The following NFATC1 variants were observed in gnomAD, a reference collection of about 807,000 sequenced individuals.
NFATC1 encodes nuclear factor of activated T-cells, cytoplasmic 1.
NFATC1 carries 22 observed loss-of-function variants against 76.0 expected under a neutral mutation model. That is an observed-to-expected ratio of 0.29 (90% CI 0.21 to 0.41). NFATC1 has a LOEUF of 0.41. NFATC1 is among the 10% of genes least tolerant of loss of function. NFATC1 has a pLI of 1.00. For missense variants in NFATC1, 1,357 were observed against 1,337.7 expected, an observed-to-expected ratio of 1.01 and a Z score of -0.23; for synonymous variants, 704 against 613.1, an observed-to-expected ratio of 1.15 and a Z score of -2.19.
At chr18:79,449,664 G>GGA (rs1340137428) in intron 4 of NFATC1, among the ~76,000 whole-genome samples, 1 of 152,228 alleles carries the variant, frequency 6.6e-6, no homozygotes, top group African/African-American at 2.4e-5. Flanking sequence ...CCAGCAGGAT[G>GGA]GAGCCAGGCC....
intron 2 of NFATC1, among the ~76,000 whole-genome samples, chr18:79,419,800 G>A (rs920132250): frequency 2.6e-5 from 4 of 152,246 alleles, no homozygotes; most frequent in African/African-American, 4.8e-5. Context: ...TAGGTGCTTC[G>A]GCAGCCGGGC....
intron 7 of NFATC1, among the ~76,000 whole-genome samples, chr18:79,461,857 G>A (rs549252263): frequency 3.3e-5 from 5 of 152,292 alleles, no homozygotes; most frequent in South Asian, 4.1e-4. Context: ...TCCTCACCCC[G>A]TCCTCCGAGG....
chr18:79,450,620 T>C (rs1274856304), intron 4 of NFATC1, among the ~76,000 whole-genome samples: 5 of 152,094 alleles, frequency 3.3e-5, no homozygotes, highest in Non-Finnish European at 5.9e-5. Flanking sequence ...CAGCCAGGAC[T>C]TGGGACAGCT....
intron 1 of NFATC1, among the ~76,000 whole-genome samples, chr18:79,399,328 C>T (rs189674235): frequency 2.0e-5 from 3 of 152,324 alleles, no homozygotes; most frequent in Non-Finnish European, 2.9e-5. Flanking sequence ...GGGTTTCTCG[C>T]CTCTGGAAAA....
chr18:79,478,896 G>C (rs115243397), intron 8 of NFATC1, among the ~76,000 whole-genome samples: 1 of 152,194 alleles, frequency 6.6e-6, no homozygotes, highest in Admixed American at 6.5e-5. Context: ...GGATGCAAGC[G>C]TGAGGCCTGG....
intron 9 of NFATC1, among the ~76,000 whole-genome samples, chr18:79,495,751 A>C (rs575909896): frequency 6.6e-5 from 10 of 152,394 alleles, no homozygotes; most frequent in Admixed American, 3.3e-4. Context: ...GCAAGCCGTG[A>C]ACAGTGGTAA....
chr18:79,469,443 C>A, intron 8 of NFATC1: 1 of 985,582 alleles, frequency 1.0e-6, no homozygotes, highest in Non-Finnish European at 1.2e-6. Flanking sequence ...GGTGGCGGCC[C>A]CCAGGACCGT....
chr18:79,501,607 AC>A (rs990119780), intron 9 of NFATC1, among the ~76,000 whole-genome samples: 5 of 45,420 alleles, frequency 1.1e-4, no homozygotes, highest in Non-Finnish European at 2.2e-4. Context: ...CCTACACCCC[AC>A]CCCCCCTCCC....
At chr18:79,402,123 C>T (rs2085284981) in intron 1 of NFATC1, among the ~76,000 whole-genome samples, 3 of 152,252 alleles carry the variant, frequency 2.0e-5, no homozygotes, top group South Asian at 2.1e-4. Flanking sequence ...TCCGTGCACA[C>T]GTGACTGTGC....
rs534254518 is a variant in NFATC1, at chr18:79,520,534, G to A, written c.2783-6994G>A. On this transcript the variant is annotated intron_variant, in intron 9 of 9. Transcript: ENST00000427363. ...AAGCAGCAGAAGACTCTGTGTGTGG[G>A]GGGGGGAGGGTGCATCCACCACTAA... Among the ~76,000 whole-genome samples, 6 of 150,522 alleles carry A rather than the reference G, an allele frequency of 4.0e-5. No homozygotes were observed. In the East Asian group the frequency reaches 5.9e-4, roughly 15 times the overall value.
chr18:79,492,658 G>A (rs2089715040), intron 9 of NFATC1, among the ~76,000 whole-genome samples: 2 of 151,512 alleles, frequency 1.3e-5, no homozygotes, highest in Admixed American at 1.3e-4. Flanking sequence ...GCAGAGAGCT[G>A]AGATCGCGCC....
chr18:79,406,708 C>T (rs545228963), intron 1 of NFATC1, among the ~76,000 whole-genome samples: 19 of 152,300 alleles, frequency 1.2e-4, no homozygotes, highest in East Asian at 9.6e-4. Context: ...GGTGGCTCGG[C>T]GTGGCACCTC....
At chr18:79,494,752 C>T (rs1411531023) in intron 9 of NFATC1, among the ~76,000 whole-genome samples, 1 of 77,528 alleles carries the variant, frequency 1.3e-5, no homozygotes, top group African/African-American at 5.4e-5. Flanking sequence ...CCCCATCGAC[C>T]TGGTACCGCC....
intron 2 of NFATC1, among the ~76,000 whole-genome samples, chr18:79,413,374 C>G (rs1568930182): frequency 6.6e-6 from 1 of 152,208 alleles, no homozygotes; most frequent in Non-Finnish European, 1.5e-5. Context: ...AAGCCGAGAT[C>G]AGGGGCTGTT....
intron 4 of NFATC1, among the ~76,000 whole-genome samples, chr18:79,449,901 C>G (rs1309960337): frequency 1.3e-5 from 2 of 152,106 alleles, no homozygotes; most frequent in Non-Finnish European, 2.9e-5. Flanking sequence ...GCCTGTAAGT[C>G]AAAAAGGGAA....
chr18:79,401,598 C>T (rs922840553), intron 1 of NFATC1, among the ~76,000 whole-genome samples: 2 of 152,222 alleles, frequency 1.3e-5, no homozygotes, highest in African/African-American at 2.4e-5. Context: ...CAGTCCTCCC[C>T]GGCTTGAGCC....
At chr18:79,500,984 C>T (rs1185334059) in intron 9 of NFATC1, among the ~76,000 whole-genome samples, 1 of 152,166 alleles carries the variant, frequency 6.6e-6, no homozygotes, top group Non-Finnish European at 1.5e-5. Flanking sequence ...ACTTCTAATA[C>T]TGAAGCCAGT....
At chr18:79,478,741 T>G (rs1294608335) in intron 8 of NFATC1, among the ~76,000 whole-genome samples, 2 of 152,192 alleles carry the variant, frequency 1.3e-5, no homozygotes, top group Non-Finnish European at 2.9e-5. Flanking sequence ...GGAAACGTCG[T>G]GCTCACCTGG....
intron 8 of NFATC1, among the ~76,000 whole-genome samples, chr18:79,482,686 T>C (rs1297207363): frequency 5.8e-5 from 7 of 120,788 alleles, no homozygotes; most frequent in East Asian, 2.9e-4. Context: ...TGGGGTGTAA[T>C]TCCAGCATGA....
Sources: allele counts gnomAD v4.1 joint callset (sites outside exome capture counted in the v4.1 genomes callset), GRCh38; gene constraint gnomAD v4.1.1; transcripts MANE v1.5; gene names NCBI Gene and HGNC (gene_info 2026-07-23, HGNC 2026-07-21).